Variants in RPS6KA2 observed in about 807,000 individuals in gnomAD.
RPS6KA2 encodes ribosomal protein S6 kinase alpha-2.
In RPS6KA2, 42 loss-of-function variants were observed where a neutral mutation model predicts 91.8. The ratio of observed to expected loss-of-function variants is 0.46; its 90% CI spans 0.36 to 0.59. RPS6KA2 has a LOEUF of 0.59. Among genes scored for constraint, RPS6KA2 ranks in the 20% least tolerant of loss-of-function variants. The probability of loss-of-function intolerance (pLI) is 0.00; values close to 1 mark genes in which losing one functional copy is unlikely to be tolerated. For synonymous variants in RPS6KA2, 414 were observed against 393.6 expected, an observed-to-expected ratio of 1.05 and a Z score of -0.61; for missense variants, 798 against 978.5, an observed-to-expected ratio of 0.82 and a Z score of 2.46.
At chr6:166,838,565 C>T (rs7753414) in intron 2 of RPS6KA2, among the ~76,000 whole-genome samples, 7,957 of 152,234 alleles carry the variant, frequency 0.052, 730 homozygotes, top group African/African-American at 0.18. Flanking sequence ...AAGAAATATA[C>T]TTTACTGCTG....
intron 1 of RPS6KA2, among the ~76,000 whole-genome samples, chr6:166,550,973 C>A (rs1486397636): frequency 2.5e-5 from 3 of 121,228 alleles, no homozygotes; most frequent in South Asian, 2.9e-4. Context: ...TCCAGCCTGG[C>A]AACAGAGCCG....
chr6:166,448,817 A>G lies in RPS6KA2; in HGVS notation c.1239T>C (p.Asp413=), dbSNP rs780901921. ...CGATGTCCTCCTTGATCTCGTAGCC[A>G]TCGGTGAAGTGGATGTTGTTCCCGT... The part of the protein sequence containing the change: ...QLHGNNIHFT[D]GYEIKEDIGV... Residue 413 remains aspartate (D), a synonymous_variant, in exon 14 of 21, where the codon GAT becomes GAC. Coordinates refer to ENST00000265678, the MANE Select transcript of RPS6KA2 (RefSeq NM_021135.6). This position sits in a 1 kb window ranked among gnomAD's most constrained non-coding sequence, Gnocchi z 4.7. 2 of 1,613,818 alleles carry G rather than the reference A, an allele frequency of 1.2e-6. No individual in the cohort carries two copies. The highest frequency in any genetic ancestry group is 2.2e-5 in the East Asian group (1 of 44,880).
At position 166,581,285 on chromosome 6, in the gene RPS6KA2, C is replaced by A. The variant is rs528957280; in HGVS notation, c.100-42501G>T. Reference sequence around the variant, plus strand: ...TCCACTCTGCTTTTGACAGCATCAGCCTTTCTCATGACAAAACCTTCCCCT... The same window carrying A: ...TCCACTCTGCTTTTGACAGCATCAGACTTTCTCATGACAAAACCTTCCCCT... On this transcript the variant is annotated intron_variant, in intron 1 of 20. Coordinates refer to ENST00000265678, the MANE Select transcript of RPS6KA2 (RefSeq NM_021135.6). Among the ~76,000 whole-genome samples the A allele has an allele frequency of 3.3e-5, 5 of 152,312 alleles. No individual in the cohort carries two copies. In the South Asian group the frequency reaches 6.2e-4, roughly 19 times the overall value.
At chr6:166,427,366 G>A (rs1428861993) in intron 16 of RPS6KA2, among the ~76,000 whole-genome samples, 2 of 152,194 alleles carry the variant, frequency 1.3e-5, no homozygotes, top group African/African-American at 4.8e-5. Flanking sequence ...GCAAAAACTG[G>A]AAGCATTCCC....
At chr6:166,649,712 G>T (rs567986845) in intron 2 of RPS6KA2, among the ~76,000 whole-genome samples, 17 of 152,196 alleles carry the variant, frequency 1.1e-4, no homozygotes, top group Non-Finnish European at 2.4e-4. Context: ...TGCAATGGAT[G>T]GGATTGTAGA....
chr6:166,412,908 G>T lies in RPS6KA2; in HGVS notation c.2077-21C>A. ...GCGCCCTGCAAAACAGAAGACAAGGGTGAGAGCCGCGGCGCCTCACTCCAG... is the reference window on the plus strand; with the variant it reads ...GCGCCCTGCAAAACAGAAGACAAGGTTGAGAGCCGCGGCGCCTCACTCCAG... On this transcript the variant is annotated intron_variant, in intron 20 of 20. Transcript: ENST00000265678. This position sits in a 1 kb window ranked among gnomAD's most constrained non-coding sequence, Gnocchi z 4.3. The T allele has an allele frequency of 6.5e-7, 1 of 1,542,274 alleles. No individual in the cohort carries two copies.
intron 2 of RPS6KA2, among the ~76,000 whole-genome samples, chr6:166,823,238 TA>T (rs1395523143): frequency 6.6e-6 from 1 of 152,014 alleles, no homozygotes; most frequent in East Asian, 1.9e-4. Flanking sequence ...AGGCAAGAAA[TA>T]TGCAAGATGT....
chr6:166,712,647 G>A (rs933814152), intron 2 of RPS6KA2, among the ~76,000 whole-genome samples: 13 of 152,208 alleles, frequency 8.5e-5, no homozygotes, highest in Non-Finnish European at 1.5e-5. Flanking sequence ...AGCCTCTCAC[G>A]CCATGATGAG....
Position 166,433,590 on chromosome 6 carries a change from C to T in RPS6KA2, c.1333-1100G>A, listed in dbSNP as rs1409113109. Among the ~76,000 whole-genome samples, 1 of 152,202 alleles carries T rather than the reference C, an allele frequency of 6.6e-6. No individual in the cohort carries two copies. The highest frequency in any genetic ancestry group is 2.4e-5 in the African/African-American group (1 of 41,452). On this transcript the variant is annotated intron_variant, in intron 14 of 20. Transcript: ENST00000265678. This position sits in a 1 kb window ranked among gnomAD's most constrained non-coding sequence, Gnocchi z 4.4. Reference sequence around the variant, plus strand: ...AGCAGAAGAAAAGCGATTGGAAACACCTTCCTAACCATGATTTGTACTATT... The same window carrying T: ...AGCAGAAGAAAAGCGATTGGAAACATCTTCCTAACCATGATTTGTACTATT...
At chr6:166,572,440 A>C (rs1784716629) in intron 1 of RPS6KA2, among the ~76,000 whole-genome samples, 1 of 152,272 alleles carries the variant, frequency 6.6e-6, no homozygotes, top group African/African-American at 2.4e-5. Flanking sequence ...AGGCTGGCTA[A>C]GCCAAGGGAT....
intron 2 of RPS6KA2, among the ~76,000 whole-genome samples, chr6:166,744,861 G>A (rs1277655578): frequency 3.3e-5 from 5 of 152,198 alleles, no homozygotes; most frequent in African/African-American, 1.2e-4. Context: ...CTAAAGCTTA[G>A]GGGGCCTGGG....
chr6:166,671,106 C>T (rs1373968411), intron 2 of RPS6KA2, among the ~76,000 whole-genome samples: 1 of 152,194 alleles, frequency 6.6e-6, no homozygotes, highest in Non-Finnish European at 1.5e-5. Context: ...AGTCACCATG[C>T]CTGGCCCCAA....
intron 17 of RPS6KA2, among the ~76,000 whole-genome samples, chr6:166,422,843 A>G (rs73269238): frequency 0.011 from 1,650 of 152,192 alleles, 28 homozygotes; most frequent in African/African-American, 0.036. Flanking sequence ...GGGTGCAGAG[A>G]AAATCCGTAA....
chr6:166,742,108 GGGT>G (rs1189457819), intron 2 of RPS6KA2, among the ~76,000 whole-genome samples: 1 of 152,120 alleles, frequency 6.6e-6, no homozygotes, highest in African/African-American at 2.4e-5. Flanking sequence ...ACTCCAGCCT[GGGT>G]AACAGAGCGA....
At chr6:166,702,828 C>A (rs1336171211) in intron 2 of RPS6KA2, 2 of 1,014,462 alleles carry the variant, frequency 2.0e-6, no homozygotes, top group East Asian at 4.7e-5. Context: ...TTCTGATATA[C>A]GGTTTGTTCA....
intron 2 of RPS6KA2, among the ~76,000 whole-genome samples, chr6:166,660,328 A>ATGTG (rs1178158518): frequency 6.8e-6 from 1 of 147,072 alleles, no homozygotes; most frequent in South Asian, 2.2e-4. Context: ...GTGTGTGTGC[A>ATGTG]TGTGTGTGTG....
Position 166,732,948 on chromosome 6 carries a change from A to G in RPS6KA2, c.123+125252T>C, listed in dbSNP as rs1438674131. Among the ~76,000 whole-genome samples, 1 of 152,154 alleles carries G rather than the reference A, an allele frequency of 6.6e-6. No individual in the cohort carries two copies. The highest frequency in any genetic ancestry group is 1.5e-5 in the Non-Finnish European group (1 of 68,012). ...AGTGAAGCCTGCTGGCTTAGAGGAA[A>G]TGAGGAACCGGAGCGGCTGGGGTGC... On this transcript the variant is annotated intron_variant, in intron 2 of 21. Transcript: ENST00000503859. This position sits in a 1 kb window ranked among gnomAD's most constrained non-coding sequence, Gnocchi z 4.0.
chr6:166,586,574 C>T (rs1033398716), intron 1 of RPS6KA2: 17 of 1,186,512 alleles, frequency 1.4e-5, no homozygotes, highest in South Asian at 5.9e-5. Context: ...GGCCGAACCC[C>T]GCCGGCGAGA....
At chr6:166,799,636 C>T (rs375535962) in intron 2 of RPS6KA2, among the ~76,000 whole-genome samples, 11 of 150,564 alleles carry the variant, frequency 7.3e-5, no homozygotes, top group Admixed American at 2.0e-4. Context: ...GAAATCACTA[C>T]GGTAATTGGA....
Sources: gnomAD v4.1 joint callset for allele counts (sites outside exome capture counted in the v4.1 genomes callset) on GRCh38, gnomAD v4.1.1 for gene constraint, Gnocchi (gnomAD v3.1) non-coding constraint, MANE v1.5 for transcripts, NCBI Gene and HGNC (gene_info 2026-07-23, HGNC 2026-07-21) for gene names.